The following ASTN2 variants were observed in gnomAD, a reference collection of about 807,000 sequenced individuals.
ASTN2 encodes astrotactin-2.
Under a neutral mutation model 139.8 loss-of-function variants are expected in ASTN2, and 54 were observed. That is an observed-to-expected ratio of 0.39 (90% CI 0.31 to 0.48). The LOEUF is 0.48. Among genes scored for constraint, ASTN2 ranks in the 20% least tolerant of loss-of-function variants. The pLI, the probability that ASTN2 is intolerant of heterozygous loss-of-function variation, is 0.95. For synonymous variants in ASTN2, 756 were observed against 719.5 expected (o/e 1.05, Z -0.81); for missense variants, 1,565 against 1,725.1 (o/e 0.91, Z 1.64).
intron 16 of ASTN2, among the ~76,000 whole-genome samples, chr9:116,716,048 T>C (rs1828305177): frequency 6.6e-6 from 1 of 152,174 alleles, no homozygotes; most frequent in East Asian, 1.9e-4. Context: ...CACATTCATC[T>C]CCAGGGAAAT....
chr9:116,498,154 A>T (rs1480056177), intron 19 of ASTN2, among the ~76,000 whole-genome samples: 2 of 152,236 alleles, frequency 1.3e-5, no homozygotes, highest in Non-Finnish European at 2.9e-5. Context: ...CCTTCCAAAC[A>T]CACAGCTACT....
At chr9:117,406,301 C>A (rs913017023) in intron 1 of ASTN2, among the ~76,000 whole-genome samples, 1 of 152,204 alleles carries the variant, frequency 6.6e-6, no homozygotes, top group Admixed American at 6.5e-5. Flanking sequence ...CTGCACCCAT[C>A]GTTGGTCCTG....
intron 13 of ASTN2, among the ~76,000 whole-genome samples, chr9:116,769,458 G>T (rs1245126086): frequency 6.6e-6 from 1 of 152,156 alleles, no homozygotes; most frequent in Non-Finnish European, 1.5e-5. Flanking sequence ...AAGACATAAG[G>T]TGGTAGCTAA....
At chr9:116,449,435 T>C (rs945866031) in intron 20 of ASTN2, among the ~76,000 whole-genome samples, 3 of 152,244 alleles carry the variant, frequency 2.0e-5, no homozygotes, top group Non-Finnish European at 2.9e-5. Context: ...AAATAAAATG[T>C]GTATGATAAT....
At chr9:117,167,182 A>G (rs978414733) in intron 3 of ASTN2, among the ~76,000 whole-genome samples, 2 of 152,124 alleles carry the variant, frequency 1.3e-5, no homozygotes, top group Admixed American at 6.6e-5. Context: ...CACGATCTAT[A>G]TTGATTTGTC....
At chr9:116,781,366 G>A (rs187555898) in intron 13 of ASTN2, among the ~76,000 whole-genome samples, 152 of 152,258 alleles carry the variant, frequency 1.0e-3, no homozygotes, top group African/African-American at 3.6e-3. Flanking sequence ...GAATTCAAGC[G>A]CTAGTGGTGG....
chr9:116,775,118 C>T (rs1053000275), intron 13 of ASTN2, among the ~76,000 whole-genome samples: 2 of 151,982 alleles, frequency 1.3e-5, no homozygotes, highest in African/African-American at 2.4e-5. Context: ...GGATTCAGGT[C>T]GGAAAAGACT....
At chr9:117,014,104 A>G (rs1188602479) in intron 6 of ASTN2, among the ~76,000 whole-genome samples, 1 of 152,156 alleles carries the variant, frequency 6.6e-6, no homozygotes, top group African/African-American at 2.4e-5. Flanking sequence ...CACGGGTCCT[A>G]GCTGTCTTGG....
chr9:117,111,594 G>T (rs1829251962), intron 4 of ASTN2, among the ~76,000 whole-genome samples: 1 of 152,024 alleles, frequency 6.6e-6, no homozygotes, highest in African/African-American at 2.4e-5. Flanking sequence ...TCTAAATACA[G>T]ATAACTGGAG....
chr9:116,725,649 G>A, intron 16 of ASTN2, 122 bp downstream of exon 16: 2 of 974,216 alleles, frequency 2.1e-6, no homozygotes, highest in Non-Finnish European at 3.1e-6. Context: ...ACTTGCCCAT[G>A]GTCACACAGC....
At chr9:117,085,801 G>T (rs1239047194) in intron 5 of ASTN2, among the ~76,000 whole-genome samples, 1 of 152,144 alleles carries the variant, frequency 6.6e-6, no homozygotes, top group Admixed American at 6.5e-5. Flanking sequence ...TCCTCTTCCT[G>T]TCTCTTTTTG....
chr9:116,800,380 T>A (rs1348180647), intron 13 of ASTN2, among the ~76,000 whole-genome samples: 1 of 152,202 alleles, frequency 6.6e-6, no homozygotes, highest in East Asian at 1.9e-4. Flanking sequence ...TATCTTTCCA[T>A]GTGAATCTCT....
intron 20 of ASTN2, among the ~76,000 whole-genome samples, chr9:116,458,155 A>C (rs971344729): frequency 6.6e-6 from 1 of 151,878 alleles, no homozygotes. Flanking sequence ...TTAAAAACAA[A>C]AAAAAAATTG....
At chr9:117,036,341 G>A (rs1395889776) in intron 6 of ASTN2, among the ~76,000 whole-genome samples, 1 of 152,194 alleles carries the variant, frequency 6.6e-6, no homozygotes, top group Non-Finnish European at 1.5e-5. Flanking sequence ...TCTCCAGGAT[G>A]TGTATACTCC....
chr9:116,921,447 G>A (rs1220236063), intron 10 of ASTN2, among the ~76,000 whole-genome samples: 1 of 152,062 alleles, frequency 6.6e-6, no homozygotes, highest in Non-Finnish European at 1.5e-5. Context: ...AATTAGCCAG[G>A]TGTGGTGGAG....
intron 10 of ASTN2, among the ~76,000 whole-genome samples, chr9:116,928,738 A>T: frequency 7.0e-6 from 1 of 142,006 alleles, no homozygotes; most frequent in East Asian, 2.0e-4. Context: ...GGTACAGGGT[A>T]AAAAAAAAAA....
intron 3 of ASTN2, among the ~76,000 whole-genome samples, chr9:117,163,481 C>G (rs1350763793): frequency 6.6e-6 from 1 of 152,046 alleles, no homozygotes; most frequent in Non-Finnish European, 1.5e-5. Context: ...ATGGGCCATT[C>G]CTGGACAGCA....
At chr9:116,673,946 A>G (rs1859349004) in intron 16 of ASTN2, among the ~76,000 whole-genome samples, 1 of 152,212 alleles carries the variant, frequency 6.6e-6, no homozygotes, top group South Asian at 2.1e-4. Context: ...TCTAACCTCC[A>G]TGCTGTCCTT....
chr9:117,041,223 C>T (rs991792675), intron 5 of ASTN2, among the ~76,000 whole-genome samples: 3 of 152,096 alleles, frequency 2.0e-5, no homozygotes, highest in African/African-American at 7.2e-5. Context: ...CAAGGTTTTG[C>T]TTACCAGTTT....
Sources: gnomAD v4.1 joint callset for allele counts (sites outside exome capture counted in the v4.1 genomes callset) on GRCh38, gnomAD v4.1.1 for gene constraint, MANE v1.5 for transcripts, NCBI Gene and HGNC (gene_info 2026-07-23, HGNC 2026-07-21) for gene names.